SHISA9: variants seen among roughly 807,000 people sequenced by gnomAD.
SHISA9 encodes the protein shisa family member 9.
A neutral mutation model predicts 38.0 loss-of-function variants in SHISA9; 13 were observed. The observed-to-expected ratio is 0.34, with a 90% confidence interval of 0.22 to 0.54. The LOEUF (loss-of-function observed/expected upper bound fraction) is 0.54. Ranked by LOEUF, SHISA9 falls within the 20% of genes least tolerant of loss-of-function variation. The pLI is 0.91. For synonymous variants in SHISA9, 275 were observed against 242.0 expected (o/e 1.14, Z -1.27); for missense variants, 538 against 575.8 (o/e 0.93, Z 0.67).
At chr16:13,059,302 T>A (rs936580273) in intron 2 of SHISA9, among the ~76,000 whole-genome samples, 1 of 152,046 alleles carries the variant, frequency 6.6e-6, no homozygotes. Flanking sequence ...TAATTTTTTG[T>A]ATTTTTAGTA....
At chr16:12,961,116 G>C (rs1236418035) in intron 2 of SHISA9, among the ~76,000 whole-genome samples, 2 of 152,188 alleles carry the variant, frequency 1.3e-5, no homozygotes, top group African/African-American at 4.8e-5. Context: ...CCAGGCTTTA[G>C]CTGAGACCCG....
chr16:13,054,861 C>A lies in SHISA9; in HGVS notation c.691+138046C>A, dbSNP rs571459755. Among the ~76,000 whole-genome samples the A allele has an allele frequency of 2.1e-4, 32 of 152,330 alleles. No individual in the cohort carries two copies. The South Asian group carries it at 6.6e-3, about 32-fold the overall frequency. On this transcript the variant is annotated intron_variant, in intron 2 of 4. Transcript: ENST00000558583. Reference sequence around the variant, plus strand: ...ATGGAAATTTCCACGCTGTCTCCTGCCACGGGGCCTTTGCACATGCTATCC... The same window carrying A: ...ATGGAAATTTCCACGCTGTCTCCTGACACGGGGCCTTTGCACATGCTATCC...
chr16:13,034,238 C>T (rs1218745424), intron 2 of SHISA9, among the ~76,000 whole-genome samples: 1 of 151,826 alleles, frequency 6.6e-6, no homozygotes, highest in Non-Finnish European at 1.5e-5. Context: ...GACTCCAGCT[C>T]ATTTAGTAGG....
At chr16:13,354,922 T>A in the SHISA9 span, among the ~76,000 whole-genome samples, 3 of 151,874 alleles carry the variant, frequency 2.0e-5, no homozygotes, top group Non-Finnish European at 2.9e-5. Flanking sequence ...ATGGGGGCTG[T>A]CTGTGAAGCT....
the SHISA9 span, among the ~76,000 whole-genome samples, chr16:13,515,200 G>C: frequency 1.5e-4 from 23 of 152,126 alleles, no homozygotes; most frequent in African/African-American, 5.5e-4. Context: ...AAAAAATAAA[G>C]TCTAGTAATA....
intron 2 of SHISA9, among the ~76,000 whole-genome samples, chr16:12,919,370 G>A (rs2071299078): frequency 6.6e-6 from 1 of 152,172 alleles, no homozygotes; most frequent in South Asian, 2.1e-4. Context: ...GGCACGTCAT[G>A]CTATTTTCAG....
the SHISA9 span, among the ~76,000 whole-genome samples, chr16:13,491,883 C>A: frequency 9.9e-6 from 1 of 100,748 alleles, no homozygotes; most frequent in Admixed American, 1.5e-4. Context: ...CTCTATGTTG[C>A]CCAGGCTGTT....
intron 2 of SHISA9, among the ~76,000 whole-genome samples, chr16:12,970,295 G>A (rs1269459765): frequency 3.0e-5 from 4 of 132,012 alleles, no homozygotes; most frequent in Non-Finnish European, 6.3e-5. Flanking sequence ...GAATGAAAGT[G>A]GACCCCTATC....
chr16:13,078,371 G>A (rs1311413116), intron 2 of SHISA9, among the ~76,000 whole-genome samples: 2 of 151,906 alleles, frequency 1.3e-5, no homozygotes, highest in Non-Finnish European at 2.9e-5. Flanking sequence ...TTGTTTATTT[G>A]TATTATTTTT....
At chr16:13,186,731 C>G (rs115056771) in intron 2 of SHISA9, among the ~76,000 whole-genome samples, 1 of 152,180 alleles carries the variant, frequency 6.6e-6, no homozygotes, top group African/African-American at 2.4e-5. Flanking sequence ...TCCCAATCCC[C>G]GCTTCTCCAG....
intron 4 of SHISA9, among the ~76,000 whole-genome samples, chr16:13,228,680 T>A (rs2051302535): frequency 6.6e-6 from 1 of 152,134 alleles, no homozygotes; most frequent in African/African-American, 2.4e-5. Context: ...TTCTCTATGT[T>A]CTCACTGTAT....
the SHISA9 span, among the ~76,000 whole-genome samples, chr16:13,306,476 T>A: frequency 6.6e-6 from 1 of 152,166 alleles, no homozygotes; most frequent in Non-Finnish European, 1.5e-5. Flanking sequence ...AGAGAGATAA[T>A]GATATTAGTT....
the SHISA9 span, among the ~76,000 whole-genome samples, chr16:13,434,419 G>GTTTTTTTCTTTTTTTTTTTTTT: frequency 1.5e-5 from 1 of 64,566 alleles, no homozygotes; most frequent in Non-Finnish European, 3.2e-5. Context: ...GACAAGCTAT[G>GTTTTTTTCTTTTTTTTTTTTTT]TTTTTTTTTT....
In SHISA9 at chr16:13,166,472, T is replaced by G. The variant is rs565990691; in HGVS notation, c.692-36922T>G. Among the ~76,000 whole-genome samples, 5 of 152,344 alleles carry G rather than the reference T, an allele frequency of 3.3e-5. No individual in the cohort carries two copies. In the South Asian group the frequency reaches 1.0e-3, roughly 32 times the overall value. On this transcript the variant is annotated intron_variant, in intron 2 of 4. Transcript: ENST00000558583. ...AAGGCAAGATTGGAGAGACTTTTCCTAGCCACTTCTTCTAATAAAACCCAT... is the reference window on the plus strand; with the variant it reads ...AAGGCAAGATTGGAGAGACTTTTCCGAGCCACTTCTTCTAATAAAACCCAT...
intron 2 of SHISA9, among the ~76,000 whole-genome samples, chr16:13,018,061 T>A (rs1250913085): frequency 6.6e-6 from 1 of 152,242 alleles, no homozygotes; most frequent in Non-Finnish European, 1.5e-5. Context: ...TGTGTTGTCC[T>A]CTGCTGAGGA....
the SHISA9 span, among the ~76,000 whole-genome samples, chr16:13,284,567 G>GA: frequency 6.6e-6 from 1 of 152,048 alleles, no homozygotes; most frequent in Non-Finnish European, 1.5e-5. Context: ...CTTTAGCTCA[G>GA]AAAAATTTCT....
At chr16:12,911,178 C>A in intron 1 of SHISA9, 1 of 867,522 alleles carries the variant, frequency 1.2e-6, no homozygotes, top group Non-Finnish European at 1.4e-6. Context: ...GGAGCTTGGG[C>A]ACGATCTCAG....
chr16:13,259,834 C>T, the SHISA9 span, among the ~76,000 whole-genome samples: 9 of 146,588 alleles, frequency 6.1e-5, no homozygotes, highest in African/African-American at 2.0e-4. Flanking sequence ...CCATTATTTC[C>T]TCCCAGGCCT....
At chr16:13,521,479 T>C in the SHISA9 span, among the ~76,000 whole-genome samples, 1 of 152,222 alleles carries the variant, frequency 6.6e-6, no homozygotes, top group Non-Finnish European at 1.5e-5. Flanking sequence ...GAGCCAATTT[T>C]ATCCTGTTCA....
Sources: gnomAD v4.1 joint callset for allele counts (sites outside exome capture counted in the v4.1 genomes callset) on GRCh38, gnomAD v4.1.1 for gene constraint, MANE v1.5 for transcripts, NCBI Gene and HGNC (gene_info 2026-07-23, HGNC 2026-07-21) for gene names.